Variants in CPLANE1 observed in about 807,000 individuals in gnomAD.
The protein encoded by CPLANE1 is ciliogenesis and planar polarity effector 1.
Under a neutral mutation model 362.5 loss-of-function variants are expected in CPLANE1, and 263 were observed. The observed-to-expected ratio is 0.73, with a 90% CI of 0.66 to 0.80. CPLANE1 has a LOEUF of 0.80. Among genes scored for constraint, CPLANE1 ranks in the 30% least tolerant of loss-of-function variants. CPLANE1 has a pLI of 0.00. For synonymous variants in CPLANE1, 1,212 were observed against 1,302.6 expected (o/e 0.93, Z 1.50); for missense variants, 3,461 against 3,793.4 (o/e 0.91, Z 2.30).
intron 42 of CPLANE1, among the ~76,000 whole-genome samples, chr5:37,150,526 A>G (rs571366537): frequency 5.8e-4 from 87 of 150,568 alleles, no homozygotes; most frequent in African/African-American, 1.6e-3. Context: ...ACACGCGCGC[A>G]CACACACACA....
At chr5:37,138,960 T>G (rs1561374806) in intron 45 of CPLANE1, 112 bp from the exon 46 acceptor site, 1 of 905,830 alleles carries the variant, frequency 1.1e-6, no homozygotes, top group Non-Finnish European at 1.6e-6. Flanking sequence ...ATATATCTAC[T>G]GTTCCTTCTA....
intron 44 of CPLANE1, 188 bp downstream of exon 44, chr5:37,142,122 C>T: frequency 8.7e-7 from 1 of 1,149,764 alleles, no homozygotes; most frequent in South Asian, 4.1e-5. Context: ...TGCAGTATGT[C>T]TTATGAAGGT....
intron 9 of CPLANE1, among the ~76,000 whole-genome samples, chr5:37,228,570 C>A (rs115439231): frequency 1.1e-4 from 16 of 151,788 alleles, no homozygotes; most frequent in African/African-American, 3.9e-4. Context: ...ACTGTGAAAT[C>A]AAAAATGGAA....
intron 16 of CPLANE1, chr5:37,210,544 AG>A (rs1792297114): frequency 6.8e-7 from 1 of 1,473,338 alleles, no homozygotes; most frequent in South Asian, 1.2e-5. Context: ...TCAAAAAAGG[AG>A]GAACTCAATC....
chr5:37,115,747 C>A lies in CPLANE1; in HGVS notation c.9311-698G>T, dbSNP rs1007967901. Among the ~76,000 whole-genome samples the A allele has an allele frequency of 4.8e-4, 73 of 151,654 alleles. 1 individual carries two copies. Among genetic ancestry groups the A allele is most frequent in the Non-Finnish European group, 1.9e-4 (13 of 67,928 alleles). Reference sequence around the variant, plus strand: ...GAGCAGCTGGGACTACAGGCACACACCACCATGCCTGGCTACTTTTTTTTA... The same window carrying A: ...GAGCAGCTGGGACTACAGGCACACAACACCATGCCTGGCTACTTTTTTTTA... On this transcript the variant is annotated intron_variant, in intron 50 of 52. Transcript: ENST00000651892.
intron 38 of CPLANE1, among the ~76,000 whole-genome samples, chr5:37,161,109 A>AAT (rs1776747318): frequency 3.3e-5 from 5 of 152,332 alleles, no homozygotes; most frequent in African/African-American, 7.2e-5. Context: ...GAAACTGTCT[A>AAT]ATGTATAGCT....
At chr5:37,093,727 A>G in the CPLANE1 span, among the ~76,000 whole-genome samples, 5 of 152,336 alleles carry the variant, frequency 3.3e-5, no homozygotes, top group East Asian at 9.6e-4. Context: ...GCACTCTCCA[A>G]TCAATAAGAC....
At chr5:37,111,476 T>C (rs1160390205) in intron 51 of CPLANE1, among the ~76,000 whole-genome samples, 1 of 152,204 alleles carries the variant, frequency 6.6e-6, no homozygotes, top group Non-Finnish European at 1.5e-5. Context: ...CCCTTTAAGA[T>C]CATCTTCATA....
At chr5:37,173,982 T>A in intron 31 of CPLANE1, 35 bp from the exon 32 acceptor site, 1 of 1,548,336 alleles carries the variant, frequency 6.5e-7, no homozygotes, top group Middle Eastern at 1.7e-4. Context: ...AAACATGCAT[T>A]AAAATTGACA....
rs759558910 is a variant in CPLANE1, at chr5:37,180,025, T to G, written c.5729A>C (p.Asp1910Ala). ...TATCTAAATGAACTGACCTTCATAGTCTGATATGTGCATATCCATTTCCTC... is the reference window on the plus strand; with the variant it reads ...TATCTAAATGAACTGACCTTCATAGGCTGATATGTGCATATCCATTTCCTC... Reference protein sequence around the residue: ...TEEEMDMHISDYEEDIEESVG... With the variant: ...TEEEMDMHISAYEEDIEESVG... Residue 1910 changes from aspartate to alanine, a missense_variant, in exon 28 of 53, where the codon GAC (aspartate) becomes GCC (alanine). This residue lies in a region of CPLANE1 where 3,380 missense variants were observed against 3,666.1 expected (regional missense o/e 0.92). Transcript: ENST00000651892. The G allele has an allele frequency of 1.2e-4, 192 of 1,545,458 alleles. No individual in the cohort carries two copies. The highest frequency in any genetic ancestry group is 1.6e-4 in the Non-Finnish European group (186 of 1,150,842).
intron 16 of CPLANE1, among the ~76,000 whole-genome samples, chr5:37,212,673 G>A (rs191958927): frequency 6.6e-6 from 1 of 152,272 alleles, no homozygotes; most frequent in African/African-American, 2.4e-5. Context: ...GAGCAGGGCA[G>A]TTATCTAGCA....
At chr5:37,240,358 A>AAAAG (rs933908636) in intron 6 of CPLANE1, among the ~76,000 whole-genome samples, 1 of 152,160 alleles carries the variant, frequency 6.6e-6, no homozygotes, top group Non-Finnish European at 1.5e-5. Flanking sequence ...TCAAAGAAAA[A>AAAAG]AAAGAAAGAA....
chr5:37,078,062 G>A, the CPLANE1 span, among the ~76,000 whole-genome samples: 1 of 152,098 alleles, frequency 6.6e-6, no homozygotes, highest in African/African-American at 2.4e-5. Context: ...TTTATCTTCA[G>A]CTTTTAAGGG....
intron 20 of CPLANE1, among the ~76,000 whole-genome samples, chr5:37,198,481 A>G (rs1455008055): frequency 6.6e-6 from 1 of 152,120 alleles, no homozygotes; most frequent in African/African-American, 2.4e-5. Flanking sequence ...ACTAGATTAC[A>G]CTATCTTTTG....
chr5:37,199,790 G>C (rs952287844), intron 19 of CPLANE1, among the ~76,000 whole-genome samples: 1 of 152,074 alleles, frequency 6.6e-6, no homozygotes, highest in Non-Finnish European at 1.5e-5. Flanking sequence ...TATGATTGAG[G>C]GAAAGCTCAT....
At chr5:37,131,720 C>T (rs1163802126) in intron 46 of CPLANE1, among the ~76,000 whole-genome samples, 4 of 151,998 alleles carry the variant, frequency 2.6e-5, no homozygotes, top group Admixed American at 6.6e-5. Context: ...TCAGTAGAGA[C>T]GGGGTTTTGT....
intron 33 of CPLANE1, 94 bp downstream of exon 33, chr5:37,169,947 G>T: frequency 1.6e-6 from 2 of 1,268,716 alleles, no homozygotes; most frequent in South Asian, 1.4e-5. Context: ...GGCTGGTCTC[G>T]AACTCCCAAC....
intron 38 of CPLANE1, among the ~76,000 whole-genome samples, chr5:37,159,677 T>G (rs1776321084): frequency 6.6e-6 from 1 of 152,182 alleles, no homozygotes; most frequent in Admixed American, 6.5e-5. Flanking sequence ...TATTGAGTAC[T>G]TGTTACCAAA....
intron 18 of CPLANE1, chr5:37,205,092 G>C (rs1349544761): frequency 3.8e-6 from 1 of 260,336 alleles, no homozygotes; most frequent in Non-Finnish European, 7.0e-6. Context: ...GGCAGGTAGA[G>C]TTTGCAGTGA....
Sources: gnomAD v4.1 joint callset for allele counts (sites outside exome capture counted in the v4.1 genomes callset) on GRCh38, gnomAD v4.1.1 for gene constraint, gnomAD v4.1.1 regional missense constraint, MANE v1.5 for transcripts, NCBI Gene and HGNC (gene_info 2026-07-23, HGNC 2026-07-21) for gene names.